Variants in TAS2R8 observed in about 807,000 individuals in gnomAD.
TAS2R8 encodes the protein taste receptor type 2 member 8.
For missense variants in TAS2R8, 396 were observed against 358.1 expected, an observed-to-expected ratio of 1.11 and a Z score of -0.85; for synonymous variants, 139 against 123.9, an observed-to-expected ratio of 1.12 and a Z score of -0.81.
chr12:10,806,596 C>A lies in TAS2R8; in HGVS notation c.385G>T (p.Val129Leu). The A allele has an allele frequency of 6.2e-7, 1 of 1,613,870 alleles. No homozygotes were observed. Among genetic ancestry groups the A allele is most frequent in the Non-Finnish European group, 8.5e-7 (1 of 1,179,898 alleles). Residue 129 changes from valine (V) to leucine (L), a missense_variant, in exon 1 of 1, where the codon GTG (valine) becomes TTG (leucine). Val to Leu is a conservative substitution (Grantham distance 32). Coordinates refer to ENST00000240615, the MANE Select transcript of TAS2R8 (RefSeq NM_023918.3). Reference sequence around the variant, plus strand: ...CATCCCAGCAGGATCCAGTGCACCACCATATCAATTTTCCACTTCAGCCAG... The same window carrying A: ...CATCCCAGCAGGATCCAGTGCACCAACATATCAATTTTCCACTTCAGCCAG... Reference protein sequence around the residue: ...FLWLKWKIDMVVHWILLGCFA... With the variant: ...FLWLKWKIDMLVHWILLGCFA...
At position 10,806,759 on chromosome 12, in the gene TAS2R8, A is replaced by T. The variant is rs1305951841; in HGVS notation, c.222T>A (p.Asp74Glu). ...VNGIVIVLNPDVYTKNKQQIV... is the reference protein window; with the variant it reads ...VNGIVIVLNPEVYTKNKQQIV... ...TCTGTTGTTTATTTTTTGTATAAAC[A>T]TCTGGGTTCAGTACTATTACAATGC... The change falls in exon 1 of 1, where the codon GAT becomes GAA. Residue 74 changes from aspartate (D) to glutamate (E), a missense_variant. Coordinates refer to ENST00000240615, the MANE Select transcript of TAS2R8 (RefSeq NM_023918.3). 1.9e-6 allele frequency: 3 copies of T among 1,613,778 alleles called. No individual in the cohort carries two copies. In the African/African-American group the frequency reaches 4.0e-5, roughly 22 times the overall value.
rs934490538 is a variant in TAS2R8, at chr12:10,806,185, C to A, written c.796G>T (p.Ala266Ser). ...GCTGCAATCTCTCCAAACTCCACAG[C>A]TAACTTGTATTTTGTCATAAGATAG... is the stretch of plus-strand genomic sequence containing the variant. The part of the protein sequence containing the change: ...FSYLMTKYKL[A>S]VEFGEIAAIL... The change falls in exon 1 of 1, where the codon GCT (alanine) becomes TCT (serine). Residue 266 changes from alanine (A) to serine (S), a missense_variant. Physicochemically the swap from Ala to Ser is moderately conservative, Grantham distance 99 (BLOSUM62 1). Coordinates refer to ENST00000240615, the MANE Select transcript of TAS2R8 (RefSeq NM_023918.3). 1 of 1,613,530 alleles carries A rather than the reference C, an allele frequency of 6.2e-7. No homozygotes were observed. The highest frequency in any genetic ancestry group is 8.5e-7 in the Non-Finnish European group (1 of 1,179,804).
chr12:10,806,805 A>T lies in TAS2R8; in HGVS notation c.176T>A (p.Ile59Asn). The change falls in exon 1 of 1, where the codon ATC becomes AAC. Residue 59 changes from isoleucine (I) to asparagine (N), a missense_variant. Transcript: ENST00000240615. ...TNLVIARICL[I>N]SVMVVNGIVI... ...AATGCCATTTACAACCATTACACTGATCAAACAAATTCTGGCGATAACTAA... is the reference window on the plus strand; with the variant it reads ...AATGCCATTTACAACCATTACACTGTTCAAACAAATTCTGGCGATAACTAA... 2.5e-6 allele frequency: 4 copies of T among 1,613,918 alleles called. No individual in the cohort carries two copies. Among genetic ancestry groups the T allele is most frequent in the Non-Finnish European group, 3.4e-6 (4 of 1,179,886 alleles).
At position 10,806,078 on chromosome 12, in the gene TAS2R8, T is replaced by G. The variant is rs776730819; in HGVS notation, c.903A>C (p.Thr301=). Residue 301 remains threonine, a synonymous_variant, in exon 1 of 1, where the codon ACA becomes ACC. Transcript: ENST00000240615. The part of the protein sequence containing the change: ...KLRQTFVRML[T]CRKIACMI The stretch of plus-strand genomic sequence containing the variant: ...ATATCATGCAGGCAATTTTTCTACA[T>G]GTCAGCATTCTGACAAATGTCTGCC... 1 of 1,603,170 alleles carries G rather than the reference T, an allele frequency of 6.2e-7. No individual in the cohort carries two copies. Among genetic ancestry groups the G allele is most frequent in the Non-Finnish European group, 8.5e-7 (1 of 1,176,526 alleles).
chr12:10,806,917 A>C lies in TAS2R8; in HGVS notation c.64T>G (p.Leu22Val). The C allele has an allele frequency of 4.3e-6, 7 of 1,612,500 alleles. No homozygotes were observed. The highest frequency in any genetic ancestry group is 5.9e-6 in the Non-Finnish European group (7 of 1,179,680). Residue 22 changes from leucine (L) to valine (V), a missense_variant, in exon 1 of 1, where the codon TTG becomes GTG. Physicochemically the swap from Leu to Val is conservative, Grantham distance 32. Coordinates refer to ENST00000240615, the MANE Select transcript of TAS2R8 (RefSeq NM_023918.3). The part of the protein sequence containing the change: ...LITGEFILGI[L>V]GNGYIALVNW... ...ACTAGTGCAATGTATCCATTCCCCA[A>C]TATTCCTAGTATGAATTCTCCAGTT...
rs139446388 is a variant in TAS2R8 at position 10,806,841 on chromosome 12, A to G, written c.140T>C (p.Ile47Thr). 1.2e-6 allele frequency: 2 copies of G among 1,613,740 alleles called. No homozygotes were observed. The highest frequency in any genetic ancestry group is 2.2e-5 in the East Asian group (1 of 44,860). ...KKKKISTVDY[I>T]LTNLVIARIC... ...TCTGGCGATAACTAAATTGGTAAGG[A>G]TGTAGTCAACTGTGGAAATCTTTTT... Residue 47 changes from isoleucine (I) to threonine (T), a missense_variant, in exon 1 of 1, where the codon ATC becomes ACC. Transcript: ENST00000240615.
rs1948733133 is a variant in TAS2R8 at position 10,807,205 on chromosome 12, A to G, written c.-225T>C. 2 of 453,178 alleles carry G rather than the reference A, an allele frequency of 4.4e-6. No homozygotes were observed. Among genetic ancestry groups the G allele is most frequent in the Admixed American group, 7.7e-5 (2 of 25,978 alleles). 28.1% of individuals were successfully genotyped at this position (453,178 alleles called of 1,614,324 possible). On this transcript the variant is annotated 5_prime_UTR_variant, in exon 1 of 1. Coordinates refer to ENST00000240615, the MANE Select transcript of TAS2R8 (RefSeq NM_023918.3). ...CAACTAATGAGCAGCTTGACTAGTTATTTATAGCCTGGAAAAATTATAATT... is the reference window on the plus strand; with the variant it reads ...CAACTAATGAGCAGCTTGACTAGTTGTTTATAGCCTGGAAAAATTATAATT...
chr12:10,806,067 A>T lies in TAS2R8; in HGVS notation c.914T>A (p.Ile305Asn), dbSNP rs968721861. 2 of 1,592,608 alleles carry T rather than the reference A, an allele frequency of 1.3e-6. No individual in the cohort carries two copies. Among genetic ancestry groups the T allele is most frequent in the Middle Eastern group, 2.0e-4 (1 of 5,094 alleles). The part of the protein sequence containing the change: ...TFVRMLTCRK[I>N]ACMI ...GCTAAGATTTCATATCATGCAGGCA[A>T]TTTTTCTACATGTCAGCATTCTGAC... Residue 305 changes from isoleucine (I) to asparagine (N), a missense_variant, in exon 1 of 1, where the codon ATT becomes AAT. By Grantham distance (149) the Ile-to-Asn change is moderately radical. Coordinates refer to ENST00000240615, the MANE Select transcript of TAS2R8 (RefSeq NM_023918.3).
At chr12:10,806,743 TA>T in the TAS2R8 span, 1 of 1,613,934 alleles carries the variant, frequency 6.2e-7, no homozygotes. Flanking sequence ...ATCTGTTGTT[TA>T]TTTTTTGTAT....
Position 10,806,463 on chromosome 12 carries a change from T to A in TAS2R8, c.518A>T (p.His173Leu). The change falls in exon 1 of 1, where the codon CAT (histidine) becomes CTT (leucine). Residue 173 changes from histidine to leucine, a missense_variant. Physicochemically the swap from His to Leu is moderately conservative, Grantham distance 99. Transcript: ENST00000240615. The part of the protein sequence containing the change: ...KHKRNITEMF[H>L]VSKIPYFEPL... ...TTCAAAGTATGGTATTTTACTCACA[T>A]GGAACATTTCAGTAATGTTTCTTTT... 1 of 1,613,834 alleles carries A rather than the reference T, an allele frequency of 6.2e-7. No individual in the cohort carries two copies. Among genetic ancestry groups the A allele is most frequent in the Non-Finnish European group, 8.5e-7 (1 of 1,179,870 alleles).
Position 10,806,208 on chromosome 12 carries a change from T to A in TAS2R8, c.773A>T (p.Tyr258Phe). The change falls in exon 1 of 1, where the codon TAT becomes TTT. Residue 258 changes from tyrosine to phenylalanine, a missense_variant. Coordinates refer to ENST00000240615, the MANE Select transcript of TAS2R8 (RefSeq NM_023918.3). ...AGCTAACTTGTATTTTGTCATAAGATAGCTAAAGGTCATCAAAATAGAAGA... is the reference window on the plus strand; with the variant it reads ...AGCTAACTTGTATTTTGTCATAAGAAAGCTAAAGGTCATCAAAATAGAAGA... ...YISSILMTFS[Y>F]LMTKYKLAVE... 6.2e-7 allele frequency: 1 copy of A among 1,613,344 alleles called. No homozygotes were observed. Among genetic ancestry groups the A allele is most frequent in the Non-Finnish European group, 8.5e-7 (1 of 1,179,772 alleles).
chr12:10,806,415 A>G lies in TAS2R8; in HGVS notation c.566T>C (p.Phe189Ser), dbSNP rs1263138247. Residue 189 changes from phenylalanine (F) to serine (S), a missense_variant, in exon 1 of 1, where the codon TTT (phenylalanine) becomes TCT (serine). Physicochemically the swap from Phe to Ser is radical, Grantham distance 155. Coordinates refer to ENST00000240615, the MANE Select transcript of TAS2R8 (RefSeq NM_023918.3). Reference sequence around the variant, plus strand: ...TGACACAATAAATGGGACAATTGCAAACAGGTTAAAGAGAGTCAAGGGTTC... The same window carrying G: ...TGACACAATAAATGGGACAATTGCAGACAGGTTAAAGAGAGTCAAGGGTTC... ...YFEPLTLFNLFAIVPFIVSLI... is the reference protein window; with the variant it reads ...YFEPLTLFNLSAIVPFIVSLI... 1 of 1,613,810 alleles carries G rather than the reference A, an allele frequency of 6.2e-7. No homozygotes were observed. The highest frequency in any genetic ancestry group is 2.2e-5 in the East Asian group (1 of 44,858).
In TAS2R8 at chr12:10,806,314, T is replaced by C. The variant is rs1158923275; in HGVS notation, c.667A>G (p.Arg223Gly). The change falls in exon 1 of 1, where the codon AGA (arginine) becomes GGA (glycine). Residue 223 changes from arginine (R) to glycine (G), a missense_variant. Arg to Gly is a moderately radical substitution (Grantham distance 125). Coordinates refer to ENST00000240615, the MANE Select transcript of TAS2R8 (RefSeq NM_023918.3). ...ACATGAACTTCTGTGCTGGGGTCTC[T>C]ACTGCCGGTAGCATAGAGTTTTATT... The part of the protein sequence containing the change: ...KQIKLYATGS[R>G]DPSTEVHVRA... The C allele has an allele frequency of 3.1e-6, 5 of 1,613,836 alleles. No individual in the cohort carries two copies. Among genetic ancestry groups the C allele is most frequent in the Non-Finnish European group, 4.2e-6 (5 of 1,179,918 alleles).
rs1948733381 is a variant in TAS2R8 at position 10,807,255 on chromosome 12, G to A, written c.-275C>T. The A allele has an allele frequency of 6.3e-6, 2 of 316,956 alleles. No homozygotes were observed. The highest frequency in any genetic ancestry group is 2.1e-5 in the African/African-American group (1 of 46,800). 19.6% of individuals were successfully genotyped at this position (316,956 alleles called of 1,614,324 possible). Reference sequence around the variant, plus strand: ...TATTATCCTTTAGTGAGTGATACCTGAAATGTTTGGCTGAAATTGCTCCCA... The same window carrying A: ...TATTATCCTTTAGTGAGTGATACCTAAAATGTTTGGCTGAAATTGCTCCCA... On this transcript the variant is annotated 5_prime_UTR_variant, in exon 1 of 1. Coordinates refer to ENST00000240615, the MANE Select transcript of TAS2R8 (RefSeq NM_023918.3).
rs766284025 is a variant in TAS2R8 at position 10,806,460 on chromosome 12, A to G, written c.521T>C (p.Val174Ala). 8.1e-6 allele frequency: 13 copies of G among 1,613,810 alleles called. No homozygotes were observed. In the South Asian group the frequency reaches 1.3e-4, roughly 16 times the overall value. ...HKRNITEMFHVSKIPYFEPLT... is the reference protein window; with the variant it reads ...HKRNITEMFHASKIPYFEPLT... ...GGGTTCAAAGTATGGTATTTTACTC[A>G]CATGGAACATTTCAGTAATGTTTCT... Residue 174 changes from valine to alanine, a missense_variant, in exon 1 of 1, where the codon GTG becomes GCG. Transcript: ENST00000240615.
Position 10,806,243 on chromosome 12 carries a change from T to C in TAS2R8, c.738A>G (p.Leu246=). ...TMTSFIFFFF[L]YYISSILMTF... Reference sequence around the variant, plus strand: ...TCATCAAAATAGAAGAAATATAGTATAGGAAAAAAAAGAAGATAAATGAAG... The same window carrying C: ...TCATCAAAATAGAAGAAATATAGTACAGGAAAAAAAAGAAGATAAATGAAG... The change falls in exon 1 of 1, where the codon CTA becomes CTG. Residue 246 remains leucine (L), a synonymous_variant. Coordinates refer to ENST00000240615, the MANE Select transcript of TAS2R8 (RefSeq NM_023918.3). 1.9e-6 allele frequency: 3 copies of C among 1,612,898 alleles called. No individual in the cohort carries two copies. The highest frequency in any genetic ancestry group is 2.5e-6 in the Non-Finnish European group (3 of 1,179,590).
Position 10,807,202 on chromosome 12 carries a change from GTTAT to G in TAS2R8, c.-226_-223del. 2.2e-6 allele frequency: 1 copy of G among 458,016 alleles called. No individual in the cohort carries two copies. Among genetic ancestry groups the G allele is most frequent in the East Asian group, 3.3e-5 (1 of 30,240 alleles). The allele number at this position is 458,016 out of a possible 1,614,324, so 28.4% of individuals were successfully genotyped here. A position where few individuals can be genotyped will look rare whatever the true frequency, so the allele number is the denominator to read the frequency against. On this transcript the variant is annotated 5_prime_UTR_variant, in exon 1 of 1. Transcript: ENST00000240615. ...AACCAACTAATGAGCAGCTTGACTAGTTATTTATAGCCTGGAAAAATTATAATTA... is the reference window on the plus strand; with the variant it reads ...AACCAACTAATGAGCAGCTTGACTAGTTATAGCCTGGAAAAATTATAATTA...
rs147403213 is a variant in TAS2R8, at chr12:10,806,722, T to C, written c.259A>G (p.Thr87Ala). 1 of 1,613,782 alleles carries C rather than the reference T, an allele frequency of 6.2e-7. No homozygotes were observed. The highest frequency in any genetic ancestry group is 1.3e-5 in the African/African-American group (1 of 74,922). ...TKNKQQIVIF[T>A]FWTFANYLNM... The stretch of plus-strand genomic sequence containing the variant: ...AAGTAGTTGGCAAATGTCCAGAAGG[T>C]AAAAATGACTATCTGTTGTTTATTT... The change falls in exon 1 of 1, where the codon ACC (threonine) becomes GCC (alanine). Residue 87 changes from threonine (T) to alanine (A), a missense_variant. Thr to Ala is a moderately conservative substitution (Grantham distance 58). Transcript: ENST00000240615.
Position 10,806,989 on chromosome 12 carries a change from A to G in TAS2R8, c.-9T>C. The G allele has an allele frequency of 6.3e-7, 1 of 1,575,748 alleles. No homozygotes were observed. The highest frequency in any genetic ancestry group is 8.6e-7 in the Non-Finnish European group (1 of 1,162,672). Reference sequence around the variant, plus strand: ...TCTGCAGGACTGAACATGTTTGTAGAGAGAACAATCTGATTTCAAATATCA... The same window carrying G: ...TCTGCAGGACTGAACATGTTTGTAGGGAGAACAATCTGATTTCAAATATCA... On this transcript the variant is annotated 5_prime_UTR_variant, in exon 1 of 1. Transcript: ENST00000240615.
Sources: allele counts gnomAD v4.1 joint callset, GRCh38; gene constraint gnomAD v4.1.1; transcripts MANE v1.5; gene names NCBI Gene and HGNC (gene_info 2026-07-23, HGNC 2026-07-21).